The following UNC13B variants were observed in gnomAD, a reference collection of about 807,000 sequenced individuals.
UNC13B encodes unc-13 homolog B, also known as protein unc-13 homolog B.
Under a neutral mutation model 211.0 loss-of-function variants are expected in UNC13B, and 144 were observed. The observed-to-expected ratio is 0.68, with a 90% confidence interval of 0.60 to 0.78. The LOEUF (loss-of-function observed/expected upper bound fraction) is 0.78, where lower values mean the gene tolerates loss of function less well. Among genes scored for constraint, UNC13B ranks in the 30% least tolerant of loss-of-function variants. The pLI is 0.00. For synonymous variants in UNC13B, 709 were observed against 725.8 expected, an observed-to-expected ratio of 0.98 and a Z score of 0.37; for missense variants, 1,777 against 2,002.0, an observed-to-expected ratio of 0.89 and a Z score of 2.14.
chr9:35,231,428 G>C (rs1054637612), intron 3 of UNC13B, among the ~76,000 whole-genome samples: 3 of 152,112 alleles, frequency 2.0e-5, no homozygotes, highest in African/African-American at 7.2e-5. Flanking sequence ...TTTTCTCATG[G>C]ATTCGTAATT....
chr9:35,285,192 G>A (rs969360470), intron 7 of UNC13B, among the ~76,000 whole-genome samples: 3 of 152,152 alleles, frequency 2.0e-5, no homozygotes, highest in African/African-American at 7.2e-5. Flanking sequence ...AGGCTCAGTA[G>A]GATAGTGGGT....
At chr9:35,321,175 T>G (rs771310243) in intron 11 of UNC13B, among the ~76,000 whole-genome samples, 17 of 152,210 alleles carry the variant, frequency 1.1e-4, no homozygotes, top group Non-Finnish European at 1.8e-4. Flanking sequence ...CTTAATAGAT[T>G]AATATTCTCT....
At position 35,176,408 on chromosome 9, in the gene UNC13B, C is replaced by T. The variant is rs533639818; in HGVS notation, c.22+14103C>T. Among the ~76,000 whole-genome samples the T allele has an allele frequency of 8.6e-5, 13 of 152,038 alleles. No homozygotes were observed. The East Asian group carries it at 9.7e-4, about 11-fold the overall frequency. On this transcript the variant is annotated intron_variant, in intron 1 of 39. Transcript: ENST00000635942. ...ACTAAAAATAAAAAAATTAGCTGGGCGTGGTGGCAGGCGCCTGTAATCCCA... is the reference window on the plus strand; with the variant it reads ...ACTAAAAATAAAAAAATTAGCTGGGTGTGGTGGCAGGCGCCTGTAATCCCA...
intron 6 of UNC13B, among the ~76,000 whole-genome samples, chr9:35,244,343 A>G (rs1359145592): frequency 6.6e-6 from 1 of 152,194 alleles, no homozygotes; most frequent in Non-Finnish European, 1.5e-5. Flanking sequence ...GTATACATCC[A>G]TAGACTAGTA....
chr9:35,193,568 G>A (rs1478802118), intron 1 of UNC13B, among the ~76,000 whole-genome samples: 5 of 147,762 alleles, frequency 3.4e-5, no homozygotes, highest in African/African-American at 1.3e-4. Flanking sequence ...TGAGGCAGGA[G>A]AATCTCTTGA....
intron 7 of UNC13B, chr9:35,291,199 C>T (rs777101117): frequency 2.6e-5 from 31 of 1,191,822 alleles, no homozygotes; most frequent in Non-Finnish European, 3.1e-5. Context: ...CATGCATAGA[C>T]TTCCATTTCC....
Position 35,302,007 on chromosome 9 carries a change from G to T in UNC13B, c.2603G>T (p.Ser868Ile). The change falls in exon 9 of 40, where the codon AGT (serine) becomes ATT (isoleucine). Residue 868 changes from serine to isoleucine, a missense_variant. Transcript: ENST00000635942. ...SGKLNLPFFR[S>I]LGHSEKQQEL... ...AAACTAAATCTTCCATTTTTTAGAA[G>T]TCTTGGTCATTCTGAAAAGCAACAG... 2.5e-6 allele frequency: 1 copy of T among 398,686 alleles called. No individual in the cohort carries two copies. The highest frequency in any genetic ancestry group is 4.4e-6 in the Non-Finnish European group (1 of 225,816). The allele number at this position is 398,686 out of a possible 1,614,324, so 24.7% of individuals were successfully genotyped here. A position where few individuals can be genotyped will look rare whatever the true frequency, so the allele number is the denominator to read the frequency against.
intron 11 of UNC13B, among the ~76,000 whole-genome samples, chr9:35,362,884 A>C (rs1469370260): frequency 6.6e-6 from 1 of 151,990 alleles, no homozygotes; most frequent in Non-Finnish European, 1.5e-5. Flanking sequence ...ATTATGTGTT[A>C]AATACCAATG....
intron 1 of UNC13B, among the ~76,000 whole-genome samples, chr9:35,179,304 T>C (rs1821806258): frequency 1.3e-5 from 2 of 152,184 alleles, no homozygotes. Flanking sequence ...ATAGCAGGTG[T>C]TTCATAGACT....
chr9:35,257,367 T>A (rs1826964367), intron 6 of UNC13B, among the ~76,000 whole-genome samples: 2 of 3,030 alleles, frequency 6.6e-4, no homozygotes, highest in Non-Finnish European at 3.4e-3. Context: ...ATATAAATAT[T>A]TATAAAATAT....
intron 1 of UNC13B, among the ~76,000 whole-genome samples, chr9:35,165,503 T>C (rs1236170119): frequency 1.3e-5 from 2 of 151,538 alleles, no homozygotes; most frequent in Non-Finnish European, 2.9e-5. Context: ...CTGCAACTTC[T>C]GCCTCCCAGG....
Position 35,397,295 on chromosome 9 carries a change from G to A in UNC13B, c.11661G>A (p.Met3887Ile), listed in dbSNP as rs1318927673. ...CPDPSILAHY[M>I]RRFAKTIGKV... ...ACCCCAGCATCCTTGCCCACTACAT[G>A]AGGAGGTTTGCTAAGGTGACCATAA... The change falls in exon 29 of 40, where the codon ATG becomes ATA. Residue 3887 changes from methionine to isoleucine, a missense_variant. Physicochemically the swap from Met to Ile is conservative, Grantham distance 10. Transcript: ENST00000635942. 5 of 1,613,912 alleles carry A rather than the reference G, an allele frequency of 3.1e-6. No individual in the cohort carries two copies. Among genetic ancestry groups the A allele is most frequent in the Non-Finnish European group, 3.4e-6 (4 of 1,180,020 alleles).
At chr9:35,289,345 C>A (rs1384403528) in intron 7 of UNC13B, among the ~76,000 whole-genome samples, 1 of 152,108 alleles carries the variant, frequency 6.6e-6, no homozygotes, top group African/African-American at 2.4e-5. Flanking sequence ...GCCTTGTGGA[C>A]CCCACATTGA....
intron 1 of UNC13B, among the ~76,000 whole-genome samples, chr9:35,202,310 T>A (rs1778750591): frequency 6.6e-6 from 1 of 152,180 alleles, no homozygotes; most frequent in African/African-American, 2.4e-5. Context: ...ATAATGTATG[T>A]TCTGTTGATT....
In UNC13B at chr9:35,368,681, G is replaced by T. The variant is rs573814012; in HGVS notation, c.9462-1637G>T. On this transcript the variant is annotated intron_variant, in intron 12 of 39. Coordinates refer to ENST00000635942, the MANE Select transcript of UNC13B (RefSeq NM_001371189.2). Reference sequence around the variant, plus strand: ...ACTAATTTACACTCCTGCCAACAGTGTATAAGTGTTCTCTTTTCCCTGCAG... The same window carrying T: ...ACTAATTTACACTCCTGCCAACAGTTTATAAGTGTTCTCTTTTCCCTGCAG... Among the ~76,000 whole-genome samples the T allele has an allele frequency of 2.7e-4, 41 of 149,414 alleles. 1 individual carries two copies. Among genetic ancestry groups the T allele is most frequent in the Admixed American group, 2.3e-3 (35 of 15,044 alleles).
At chr9:35,234,234 G>A (rs1825368017) in intron 3 of UNC13B, among the ~76,000 whole-genome samples, 1 of 152,066 alleles carries the variant, frequency 6.6e-6, no homozygotes. Flanking sequence ...TCCTGCCTCA[G>A]CCTCCTGAGT....
intron 7 of UNC13B, among the ~76,000 whole-genome samples, chr9:35,276,508 T>C (rs931300964): frequency 2.0e-5 from 3 of 152,310 alleles, no homozygotes; most frequent in Admixed American, 1.3e-4. Flanking sequence ...CCATAGAATA[T>C]GTTAGTTTCC....
At chr9:35,274,139 G>A (rs1020042066) in intron 7 of UNC13B, among the ~76,000 whole-genome samples, 28 of 152,256 alleles carry the variant, frequency 1.8e-4, no homozygotes, top group East Asian at 3.9e-4. Flanking sequence ...CTTATTTTCC[G>A]TATGACAGTA....
chr9:35,241,098 G>A lies in UNC13B; in HGVS notation c.395-2193G>A, dbSNP rs546466497. On this transcript the variant is annotated intron_variant, in intron 5 of 39. Coordinates refer to ENST00000635942, the MANE Select transcript of UNC13B (RefSeq NM_001371189.2). ...TCAGTAATAACAAAGTAACATTTAT[G>A]GTGAATTATTGTGTGTTGGTGGGCA... Among the ~76,000 whole-genome samples, 11 of 150,832 alleles carry A rather than the reference G, an allele frequency of 7.3e-5. No individual in the cohort carries two copies. In the East Asian group the frequency reaches 1.9e-3, roughly 27 times the overall value.
Sources: allele counts gnomAD v4.1 joint callset (sites outside exome capture counted in the v4.1 genomes callset), GRCh38; gene constraint gnomAD v4.1.1; transcripts MANE v1.5; gene names NCBI Gene and HGNC (gene_info 2026-07-23, HGNC 2026-07-21).